Variants in ECT2 observed in about 807,000 individuals in gnomAD.
ECT2 encodes the protein epithelial cell transforming 2, also known as protein ECT2.
ECT2 carries 61 observed loss-of-function variants against 116.9 expected under a neutral mutation model. That is an observed-to-expected ratio of 0.52 (90% CI 0.42 to 0.65). ECT2 has a LOEUF of 0.65. ECT2 is among the 30% of genes least tolerant of loss of function. The pLI is 0.00. For synonymous variants in ECT2, 358 were observed against 346.4 expected (o/e 1.03, Z -0.37); for missense variants, 937 against 1,078.7 (o/e 0.87, Z 1.84).
intron 12 of ECT2, among the ~76,000 whole-genome samples, chr3:172,768,692 C>T (rs1214975126): frequency 1.3e-5 from 2 of 152,164 alleles, no homozygotes; most frequent in Non-Finnish European, 2.9e-5. Flanking sequence ...CCAGGATACA[C>T]ATTTGTTAGG....
intron 24 of ECT2, chr3:172,818,945 T>A: frequency 1.4e-6 from 1 of 706,024 alleles, no homozygotes; most frequent in Non-Finnish European, 1.8e-6. Flanking sequence ...TTTGAATTAA[T>A]AACAATTTAG....
intron 14 of ECT2, among the ~76,000 whole-genome samples, chr3:172,776,744 C>G (rs115022469): frequency 4.6e-5 from 7 of 152,102 alleles, no homozygotes; most frequent in African/African-American, 1.7e-4. Context: ...ATGAATACAC[C>G]ATGTAAATGT....
At chr3:172,820,104 T>C (rs773577292) in intron 24 of ECT2, 44 bp from the exon 25 acceptor site, 3 of 1,498,234 alleles carry the variant, frequency 2.0e-6, no homozygotes, top group Non-Finnish European at 2.7e-6. Flanking sequence ...ACAATTTTTT[T>C]AAAGGAAAAT....
chr3:172,814,438 A>G (rs1348859562), intron 22 of ECT2, among the ~76,000 whole-genome samples: 1 of 152,062 alleles, frequency 6.6e-6, no homozygotes, highest in East Asian at 1.9e-4. Flanking sequence ...CACAGAATGA[A>G]TAGTCTTATA....
chr3:172,771,240 A>C (rs1243670444), intron 13 of ECT2: 1 of 152,212 alleles, frequency 6.6e-6, no homozygotes, highest in African/African-American at 2.4e-5. Context: ...CACAGCCCTT[A>C]GATGGTCATA....
At chr3:172,806,322 A>C (rs1197743476) in intron 21 of ECT2, among the ~76,000 whole-genome samples, 1 of 152,166 alleles carries the variant, frequency 6.6e-6, no homozygotes, top group East Asian at 1.9e-4. Flanking sequence ...GCAATAAATA[A>C]ACTCAGAGTA....
At chr3:172,774,174 C>G (rs1258209863) in intron 14 of ECT2, 152 bp downstream of exon 14, 3 of 740,512 alleles carry the variant, frequency 4.1e-6, no homozygotes, top group Non-Finnish European at 6.6e-6. Flanking sequence ...TCTCTTTGTT[C>G]CAGTGCCTCA....
At chr3:172,772,391 T>G (rs1302249761) in intron 13 of ECT2, among the ~76,000 whole-genome samples, 3 of 151,990 alleles carry the variant, frequency 2.0e-5, no homozygotes, top group Non-Finnish European at 4.4e-5. Flanking sequence ...AGAGATGGGG[T>G]TTCACCATCT....
chr3:172,827,811 A>C, the ECT2 span, among the ~76,000 whole-genome samples: 1 of 152,236 alleles, frequency 6.6e-6, no homozygotes. Flanking sequence ...ACTTTGAAAG[A>C]GGCCATTTTG....
chr3:172,795,323 CAAAA>C (rs35674521), intron 18 of ECT2, among the ~76,000 whole-genome samples: 11 of 104,402 alleles, frequency 1.1e-4, no homozygotes, highest in Admixed American at 2.1e-4. Flanking sequence ...GAGACGCTAT[CAAAA>C]AAAAAAAAAA....
chr3:172,807,648 A>T (rs1007996881), intron 21 of ECT2, 122 bp from the exon 22 acceptor site: 2 of 1,132,640 alleles, frequency 1.8e-6, no homozygotes, highest in Admixed American at 2.5e-5. Flanking sequence ...TAGGACAAGG[A>T]AAGTGGAGAA....
intron 13 of ECT2, chr3:172,771,440 C>G (rs570944599): frequency 6.6e-6 from 1 of 152,118 alleles, no homozygotes; most frequent in African/African-American, 2.4e-5. Context: ...ATGATTGGTA[C>G]AAGTAGAGGA....
At chr3:172,786,266 G>A (rs538427213) in intron 17 of ECT2, among the ~76,000 whole-genome samples, 14 of 152,176 alleles carry the variant, frequency 9.2e-5, no homozygotes, top group Non-Finnish European at 1.8e-4. Flanking sequence ...GAATAGCAGT[G>A]TAAGAAAATC....
At chr3:172,818,893 T>C (rs1276868055) in intron 24 of ECT2, 3 of 1,109,836 alleles carry the variant, frequency 2.7e-6, no homozygotes, top group Admixed American at 4.4e-5. Flanking sequence ...GAATCACTTA[T>C]TTGGTGGGTG....
chr3:172,794,740 G>A lies in ECT2; in HGVS notation c.1908-7876G>A, dbSNP rs116458639. 6.1e-3 allele frequency among the ~76,000 whole-genome samples: 935 copies of A among 152,072 alleles called. 9 individuals carry two copies. The highest frequency in any genetic ancestry group is 0.021 in the African/African-American group (861 of 41,472). On this transcript the variant is annotated intron_variant, in intron 18 of 24. Transcript: ENST00000392692. ...TATTATTATTATTATTTTTTGAAAC[G>A]GAGTCTCAGTGTCACCCAGGCTGGA... is the stretch of plus-strand genomic sequence containing the variant.
downstream of ECT2, among the ~76,000 whole-genome samples, chr3:172,826,183 C>T (rs1172117587): frequency 1.3e-5 from 2 of 152,236 alleles, no homozygotes; most frequent in Non-Finnish European, 2.9e-5. Flanking sequence ...GTGTGAGCCA[C>T]CTCGCCCGGT....
chr3:172,758,802 A>C (rs148014887), intron 5 of ECT2, among the ~76,000 whole-genome samples, 178 bp from the exon 6 acceptor site: 1 of 152,340 alleles, frequency 6.6e-6, no homozygotes, highest in East Asian at 1.9e-4. Flanking sequence ...TTTTATTGGG[A>C]AACTTGCAAT....
intron 22 of ECT2, among the ~76,000 whole-genome samples, chr3:172,812,313 TC>T (rs1348769886): frequency 6.6e-6 from 1 of 152,222 alleles, no homozygotes; most frequent in Non-Finnish European, 1.5e-5. Context: ...TTAGATTTAT[TC>T]CTAAGTAATT....
chr3:172,797,324 C>A (rs1254315263), intron 18 of ECT2, among the ~76,000 whole-genome samples: 1 of 152,066 alleles, frequency 6.6e-6, no homozygotes, highest in Non-Finnish European at 1.5e-5. Flanking sequence ...TGTAAGCCAC[C>A]ATGCCCTGCG....
Sources: allele counts gnomAD v4.1 joint callset (sites outside exome capture counted in the v4.1 genomes callset), GRCh38; gene constraint gnomAD v4.1.1; transcripts MANE v1.5; gene names NCBI Gene and HGNC (gene_info 2026-07-23, HGNC 2026-07-21).